PLEKHA5: variants seen among roughly 807,000 people sequenced by gnomAD.
The protein encoded by PLEKHA5 is pleckstrin homology domain containing A5.
Under a neutral mutation model 181.9 loss-of-function variants are expected in PLEKHA5, and 55 were observed. The ratio of observed to expected loss-of-function variants is 0.30; its 90% CI spans 0.24 to 0.38. The LOEUF is 0.38. Among genes scored for constraint, PLEKHA5 ranks in the 10% least tolerant of loss-of-function variants. PLEKHA5 has a pLI of 1.00. For synonymous variants in PLEKHA5, 535 were observed against 529.4 expected (o/e 1.01, Z -0.15); for missense variants, 1,432 against 1,549.5 (o/e 0.92, Z 1.27).
chr12:19,192,077 A>G (rs1203261906), intron 3 of PLEKHA5, among the ~76,000 whole-genome samples: 1 of 152,126 alleles, frequency 6.6e-6, no homozygotes, highest in Non-Finnish European at 1.5e-5. Flanking sequence ...TTGCTACCAT[A>G]CTTTAAAAGG....
At chr12:19,235,703 G>C (rs1406328271) in intron 3 of PLEKHA5, among the ~76,000 whole-genome samples, 1 of 152,166 alleles carries the variant, frequency 6.6e-6, no homozygotes, top group Non-Finnish European at 1.5e-5. Flanking sequence ...TAGCTGATGT[G>C]CTTTTGACCT....
intron 3 of PLEKHA5, among the ~76,000 whole-genome samples, chr12:19,251,523 A>C (rs1242489009): frequency 3.9e-5 from 6 of 152,038 alleles, no homozygotes; most frequent in African/African-American, 1.2e-4. Context: ...AGGTGTGTGC[A>C]GATATACATT....
intron 3 of PLEKHA5, among the ~76,000 whole-genome samples, chr12:19,216,798 G>A (rs7398933): frequency 0.84 from 127,798 of 152,126 alleles, 55,093 homozygotes; most frequent in Non-Finnish European, 0.95. Flanking sequence ...TTCCTATCAT[G>A]TTTTCTTGTA....
chr12:19,172,892 G>A (rs932516879), intron 3 of PLEKHA5, among the ~76,000 whole-genome samples: 28 of 147,884 alleles, frequency 1.9e-4, no homozygotes, highest in African/African-American at 5.5e-4. Flanking sequence ...GGGTGTTAAA[G>A]TAGTGGTGGT....
chr12:19,261,012 T>A lies in PLEKHA5; in HGVS notation c.601T>A (p.Tyr201Asn). 6.3e-7 allele frequency: 1 copy of A among 1,583,534 alleles called. No homozygotes were observed. The highest frequency in any genetic ancestry group is 8.7e-7 in the Non-Finnish European group (1 of 1,155,594). ...TGTGCTTTCTGACCTTTGCCTCTTT[T>A]ATTATAGAGGTAAGTTTACCCTACT... ...WFVLSDLCLF[Y>N]YRDEKEEGIL... Residue 201 changes from tyrosine (Y) to asparagine (N), a missense_variant, in exon 7 of 32, where the codon TAT becomes AAT. Coordinates refer to ENST00000429027, the MANE Select transcript of PLEKHA5 (RefSeq NM_001256470.2).
At chr12:19,343,643 C>T (rs1013184930) in intron 22 of PLEKHA5, among the ~76,000 whole-genome samples, 8 of 152,190 alleles carry the variant, frequency 5.3e-5, no homozygotes, top group African/African-American at 1.7e-4. Context: ...ACCTGCACAG[C>T]ATGTGACTGT....
At chr12:19,224,339 T>G (rs1442621865) in intron 3 of PLEKHA5, among the ~76,000 whole-genome samples, 1 of 152,184 alleles carries the variant, frequency 6.6e-6, no homozygotes, top group African/African-American at 2.4e-5. Flanking sequence ...CCAGGAATGA[T>G]GAAGTTTGGA....
chr12:19,200,215 A>G, intron 3 of PLEKHA5: 3 of 717,534 alleles, frequency 4.2e-6, no homozygotes, highest in Non-Finnish European at 4.6e-6. Flanking sequence ...TACACTTTCC[A>G]TGCAGCAACA....
intron 15 of PLEKHA5, chr12:19,306,854 C>A: frequency 1.3e-6 from 1 of 791,092 alleles, no homozygotes; most frequent in South Asian, 1.4e-5. Flanking sequence ...TGATAACGTA[C>A]CATATGCAGA....
At chr12:19,306,888 A>C in intron 15 of PLEKHA5, 1 of 805,824 alleles carries the variant, frequency 1.2e-6, no homozygotes. Flanking sequence ...GATAAGGCTA[A>C]GGCTTGTCTC....
intron 20 of PLEKHA5, 35 bp downstream of exon 20, chr12:19,322,702 G>A: frequency 6.6e-7 from 1 of 1,506,370 alleles, no homozygotes; most frequent in Non-Finnish European, 9.2e-7. Context: ...AATAAAAGTA[G>A]CTTAAATATG....
intron 21 of PLEKHA5, among the ~76,000 whole-genome samples, chr12:19,337,475 C>T (rs1419821838): frequency 7.0e-6 from 1 of 143,488 alleles, no homozygotes; most frequent in African/African-American, 2.6e-5. Flanking sequence ...CTTGAACCCA[C>T]GAGGTGGAGG....
chr12:19,362,788 C>T (rs114472432), intron 29 of PLEKHA5, among the ~76,000 whole-genome samples: 1 of 151,420 alleles, frequency 6.6e-6, no homozygotes, highest in Non-Finnish European at 1.5e-5. Context: ...GAGATAAATA[C>T]CTTAAAAAAA....
In PLEKHA5 at chr12:19,270,087, C is replaced by A. The variant is rs1014094935; in HGVS notation, c.828-101C>A. On this transcript the variant is annotated intron_variant, in intron 9 of 31. Transcript: ENST00000429027. ...TTGCGATACCACCTACATTTTTATT[C>A]CACTTTTCTTCTTTTTCTTCTTTAT... 9.6e-6 allele frequency: 7 copies of A among 731,256 alleles called. No individual in the cohort carries two copies. In the Admixed American group the frequency reaches 1.0e-4, roughly 11 times the overall value. The allele number at this position is 731,256 out of a possible 1,614,324, so 45.3% of individuals were successfully genotyped here.
At chr12:19,205,791 A>C (rs1179683149) in intron 3 of PLEKHA5, among the ~76,000 whole-genome samples, 1 of 152,116 alleles carries the variant, frequency 6.6e-6, no homozygotes, top group Non-Finnish European at 1.5e-5. Context: ...TTGTTCTTAC[A>C]TCTTAATGAA....
chr12:19,320,726 C>A, intron 18 of PLEKHA5, 102 bp downstream of exon 18: 1 of 565,482 alleles, frequency 1.8e-6, no homozygotes, highest in Non-Finnish European at 3.2e-6. Context: ...CCAAGTCCTC[C>A]AAAGTGACAT....
chr12:19,272,829 TTA>T (rs1411445593), intron 10 of PLEKHA5, among the ~76,000 whole-genome samples: 5 of 152,234 alleles, frequency 3.3e-5, no homozygotes, highest in Non-Finnish European at 5.9e-5. Flanking sequence ...TTCAGTTATT[TTA>T]TGTTTAATGT....
intron 15 of PLEKHA5, among the ~76,000 whole-genome samples, chr12:19,311,125 G>A (rs962512906): frequency 1.3e-5 from 2 of 151,902 alleles, no homozygotes; most frequent in Non-Finnish European, 2.9e-5. Context: ...ATTGCCCGTC[G>A]TAGAACCTCT....
At chr12:19,213,375 A>AGTG (rs754957821) in intron 3 of PLEKHA5, among the ~76,000 whole-genome samples, 5 of 152,200 alleles carry the variant, frequency 3.3e-5, no homozygotes, top group Non-Finnish European at 7.3e-5. Context: ...CAGCAAGACC[A>AGTG]AAAGATTATA....
Sources: allele counts gnomAD v4.1 joint callset (sites outside exome capture counted in the v4.1 genomes callset), GRCh38; gene constraint gnomAD v4.1.1; transcripts MANE v1.5; gene names NCBI Gene and HGNC (gene_info 2026-07-23, HGNC 2026-07-21).